MCM3AP: variants seen among roughly 807,000 people sequenced by gnomAD.
The protein encoded by MCM3AP is germinal-center associated nuclear protein.
MCM3AP carries 126 observed loss-of-function variants against 184.1 expected under a neutral mutation model. The ratio of observed to expected loss-of-function variants is 0.68; its 90% CI spans 0.59 to 0.79. The LOEUF (loss-of-function observed/expected upper bound fraction) is 0.79, where lower values mean the gene tolerates loss of function less well. MCM3AP is among the 30% of genes least tolerant of loss of function. MCM3AP has a pLI of 0.00. For synonymous variants in MCM3AP, 1,002 were observed against 979.3 expected (o/e 1.02, Z -0.43); for missense variants, 2,496 against 2,479.2 (o/e 1.01, Z -0.14).
In MCM3AP at chr21:46,284,063, C is replaced by G; in HGVS notation, c.1219+5G>C. ...TACTCTATGTGCTACATTTTCAGAG[C>G]TCACCTTCTTTCTTCTCTCTACTTT... On this transcript the variant is annotated splice_donor_5th_base_variant and intron_variant, in intron 1 of 27. Coordinates refer to ENST00000291688, the MANE Select transcript of MCM3AP (RefSeq NM_003906.5). 6.2e-7 allele frequency: 1 copy of G among 1,608,346 alleles called. No homozygotes were observed.
In MCM3AP at chr21:46,284,067, C is replaced by T; in HGVS notation, c.1219+1G>A. ...CTATGTGCTACATTTTCAGAGCTCACCTTCTTTCTTCTCTCTACTTTCAGT... is the reference window on the plus strand; with the variant it reads ...CTATGTGCTACATTTTCAGAGCTCATCTTCTTTCTTCTCTCTACTTTCAGT... On this transcript the variant is annotated splice_donor_variant, in intron 1 of 27. Transcript: ENST00000291688. LOFTEE classifies it high-confidence loss of function. The T allele has an allele frequency of 6.2e-7, 1 of 1,609,460 alleles. No individual in the cohort carries two copies. Among genetic ancestry groups the T allele is most frequent in the Non-Finnish European group, 8.5e-7 (1 of 1,177,268 alleles).
rs1043435749 is a variant in MCM3AP at position 46,241,076 on chromosome 21, G to T, written c.5427-59C>A. 26 of 1,225,622 alleles carry T rather than the reference G, an allele frequency of 2.1e-5. 1 individual carries two copies. Among genetic ancestry groups the T allele is most frequent in the Non-Finnish European group, 2.8e-5 (24 of 844,956 alleles). The allele number at this position is 1,225,622 out of a possible 1,614,324, so 75.9% of individuals were successfully genotyped here. A position where few individuals can be genotyped will look rare whatever the true frequency, so the allele number is the denominator to read the frequency against. On this transcript the variant is annotated intron_variant, in intron 25 of 27. Coordinates refer to ENST00000291688, the MANE Select transcript of MCM3AP (RefSeq NM_003906.5). ...AGAGAAAATATTTCTACAGCATCAT[G>T]TAAAGCATGTAGATACATTTGCACA...
At chr21:46,237,637 T>C (rs1351797944) in intron 26 of MCM3AP, among the ~76,000 whole-genome samples, 2 of 115,640 alleles carry the variant, frequency 1.7e-5, no homozygotes, top group African/African-American at 3.5e-5. Flanking sequence ...ACTCAAGTGA[T>C]GTGCACACCT....
intron 17 of MCM3AP, among the ~76,000 whole-genome samples, chr21:46,255,112 ATG>A (rs1386820608): frequency 1.3e-5 from 2 of 152,158 alleles, no homozygotes; most frequent in Non-Finnish European, 2.9e-5. Flanking sequence ...CTGGCCTGGC[ATG>A]TGTGAGGTGT....
At position 46,284,088 on chromosome 21, in the gene MCM3AP, TCA is replaced by T. The variant is rs1272078788; in HGVS notation, c.1197_1198del (p.Glu400LysfsTer2). The T allele has an allele frequency of 6.2e-7, 1 of 1,612,744 alleles. No homozygotes were observed. The highest frequency in any genetic ancestry group is 8.5e-7 in the Non-Finnish European group (1 of 1,179,274). On this transcript the variant is annotated frameshift_variant, in exon 1 of 28. Transcript: ENST00000291688. LOFTEE classifies it high-confidence loss of function. ...CTCACCTTCTTTCTTCTCTCTACTT[TCA>T]GTTTCTTCCTCTTTATTCACACCTG...
chr21:46,267,123 C>G lies in MCM3AP; in HGVS notation c.2648G>C (p.Arg883Pro). The change falls in exon 10 of 28, where the codon CGG (arginine) becomes CCG (proline). Residue 883 changes from arginine to proline, a missense_variant. Physicochemically the swap from Arg to Pro is moderately radical, Grantham distance 103. Coordinates refer to ENST00000291688, the MANE Select transcript of MCM3AP (RefSeq NM_003906.5). ...CACCGTGTACGCAAAGTTGAGCGCC[C>G]GGAGAGCATCCTTGCGGATCTGAGA... The part of the protein sequence containing the change: ...YFSQIRKDAL[R>P]ALNFAYTVST... 1 of 1,613,700 alleles carries G rather than the reference C, an allele frequency of 6.2e-7. No individual in the cohort carries two copies. Among genetic ancestry groups the G allele is most frequent in the Non-Finnish European group, 8.5e-7 (1 of 1,179,892 alleles).
In MCM3AP at chr21:46,244,821, A is replaced by G; in HGVS notation, c.5024T>C (p.Leu1675Pro). Residue 1675 changes from leucine to proline, a missense_variant, in exon 23 of 28, where the codon CTT becomes CCT. Leu to Pro is a moderately conservative substitution (Grantham distance 98). Around this residue, in one of 5 missense-constraint regions of MCM3AP, gnomAD observed 1,323 missense variants for 1,273.4 expected, o/e 1.04. Coordinates refer to ENST00000291688, the MANE Select transcript of MCM3AP (RefSeq NM_003906.5). The stretch of plus-strand genomic sequence containing the variant: ...CAAGCACGTACCCCCCAGGGGTGGA[A>G]GGTCCATCTGCGGAAGCTGGAACCC... Reference protein sequence around the residue: ...VLGFQLPQMDLPPLGAPWLPV... With the variant: ...VLGFQLPQMDPPPLGAPWLPV... 1 of 1,613,112 alleles carries G rather than the reference A, an allele frequency of 6.2e-7. No individual in the cohort carries two copies. Among genetic ancestry groups the G allele is most frequent in the South Asian group, 1.1e-5 (1 of 90,960 alleles).
intron 13 of MCM3AP, among the ~76,000 whole-genome samples, chr21:46,263,478 T>G (rs1044000379): frequency 3.3e-5 from 5 of 151,940 alleles, no homozygotes; most frequent in African/African-American, 1.2e-4. Context: ...TTAGAAGATT[T>G]AATATTGTTA....
Position 46,256,668 on chromosome 21 carries a change from C to CT in MCM3AP, c.3932+120dup. The CT allele has an allele frequency of 6.4e-6, 8 of 1,258,396 alleles. No homozygotes were observed. The South Asian group carries it at 1.1e-4, about 17-fold the overall frequency. The allele number at this position is 1,258,396 out of a possible 1,614,324, so 78.0% of individuals were successfully genotyped here. A position where few individuals can be genotyped will look rare whatever the true frequency, so the allele number is the denominator to read the frequency against. On this transcript the variant is annotated intron_variant, in intron 17 of 27. Coordinates refer to ENST00000291688, the MANE Select transcript of MCM3AP (RefSeq NM_003906.5). The stretch of plus-strand genomic sequence containing the variant: ...GCCTGTCCTCGCCTCCAGGCTTCAC[C>CT]TATCTTCGCCTCCAGGCTTCACCTA...
intron 18 of MCM3AP, 95 bp from the exon 19 acceptor site, chr21:46,254,621 A>G: frequency 6.6e-7 from 1 of 1,518,274 alleles, no homozygotes; most frequent in Non-Finnish European, 9.1e-7. Context: ...AGGTTGGAGG[A>G]AAATCAGGTT....
In MCM3AP at chr21:46,254,376, GA is replaced by G; in HGVS notation, c.4136+15del. ...TCCACCTCTTGGAAACCCCACAGGG[GA>G]AAACCCTTCCTGACCTGCCACAACT... On this transcript the variant is annotated intron_variant, in intron 19 of 27. Transcript: ENST00000291688. 5 of 1,612,322 alleles carry G rather than the reference GA, an allele frequency of 3.1e-6. No individual in the cohort carries two copies. Among genetic ancestry groups the G allele is most frequent in the Non-Finnish European group, 4.2e-6 (5 of 1,179,636 alleles).
At chr21:46,270,155 A>G in intron 9 of MCM3AP, 1 of 353,448 alleles carries the variant, frequency 2.8e-6, no homozygotes, top group Non-Finnish European at 5.1e-6. Context: ...ATGTTTTCCC[A>G]AAGAGATTTT....
At chr21:46,248,650 G>C (rs1299201554) in intron 20 of MCM3AP, among the ~76,000 whole-genome samples, 1 of 150,610 alleles carries the variant, frequency 6.6e-6, no homozygotes, top group African/African-American at 2.4e-5. Flanking sequence ...GATAATACGT[G>C]AACCAAAGAA....
intron 4 of MCM3AP, among the ~76,000 whole-genome samples, chr21:46,279,459 C>T (rs967459332): frequency 2.6e-5 from 4 of 152,242 alleles, no homozygotes; most frequent in Non-Finnish European, 4.4e-5. Context: ...GGCAGCGACC[C>T]GCCACAGGGC....
intron 4 of MCM3AP, among the ~76,000 whole-genome samples, chr21:46,278,955 G>GA (rs1429137492): frequency 7.6e-3 from 3 of 396 alleles, no homozygotes; most frequent in Admixed American, 0.029. Context: ...TTACAGGCGT[G>GA]AGCACTGCGC....
At chr21:46,279,887 G>A in intron 4 of MCM3AP, 106 bp downstream of exon 4, 5 of 1,129,812 alleles carry the variant, frequency 4.4e-6, no homozygotes, top group South Asian at 3.6e-5. Flanking sequence ...ACTGGCTTTT[G>A]TCTCCTCACC....
intron 25 of MCM3AP, 142 bp from the exon 26 acceptor site, chr21:46,241,159 C>A: frequency 1.5e-6 from 1 of 661,782 alleles, no homozygotes; most frequent in African/African-American, 1.8e-5. Flanking sequence ...TGGAACAGCT[C>A]ATGCTGGCCC....
In MCM3AP at chr21:46,251,521, T is replaced by C; in HGVS notation, c.4290+8A>G. 4 of 1,588,082 alleles carry C rather than the reference T, an allele frequency of 2.5e-6. No individual in the cohort carries two copies. Among genetic ancestry groups the C allele is most frequent in the Non-Finnish European group, 3.4e-6 (4 of 1,159,614 alleles). On this transcript the variant is annotated splice_region_variant and intron_variant, in intron 20 of 27. Transcript: ENST00000291688. ...CACAGAAGTAAACACAAAGTAATTA[T>C]AGTTCACCTTTATACACACGTTAAC...
At chr21:46,274,064 C>A (rs2145699552) in intron 6 of MCM3AP, among the ~76,000 whole-genome samples, 1 of 152,302 alleles carries the variant, frequency 6.6e-6, no homozygotes, top group South Asian at 2.1e-4. Flanking sequence ...AAGACGTGGC[C>A]AAGGGAAGAG....
Sources: gnomAD v4.1 joint callset for allele counts (sites outside exome capture counted in the v4.1 genomes callset) on GRCh38, gnomAD v4.1.1 for gene constraint, gnomAD v4.1.1 regional missense constraint, MANE v1.5 for transcripts, NCBI Gene and HGNC (gene_info 2026-07-23, HGNC 2026-07-21) for gene names.